Variants in CABCOCO1 observed in about 807,000 individuals in gnomAD.
CABCOCO1 encodes ciliary associated calcium binding coiled-coil 1, also known as ciliary-associated calcium-binding coiled-coil protein 1.
A neutral mutation model predicts 35.7 loss-of-function variants in CABCOCO1; 28 were observed. The ratio of observed to expected loss-of-function variants is 0.78; its 90% confidence interval spans 0.58 to 1.07. The LOEUF (loss-of-function observed/expected upper bound fraction) is 1.07. Among genes scored for constraint, CABCOCO1 ranks in the 50% least tolerant of loss-of-function variants. CABCOCO1 has a pLI of 0.00. For synonymous variants in CABCOCO1, 95 were observed against 100.1 expected (o/e 0.95, Z 0.30); for missense variants, 326 against 309.2 (o/e 1.05, Z -0.41).
At chr10:61,694,986 A>G (rs1354594285) in intron 5 of CABCOCO1, among the ~76,000 whole-genome samples, 3 of 152,124 alleles carry the variant, frequency 2.0e-5, no homozygotes, top group Non-Finnish European at 4.4e-5. Context: ...AAATAAAATC[A>G]TGTTACACTC....
chr10:61,701,695 C>T, intron 5 of CABCOCO1: 1 of 984,816 alleles, frequency 1.0e-6, no homozygotes, highest in Non-Finnish European at 1.2e-6. Flanking sequence ...TCTAGGGTGT[C>T]CAGATATGCA....
chr10:61,672,454 C>T (rs1839389694), intron 1 of CABCOCO1, among the ~76,000 whole-genome samples, 178 bp from the exon 2 acceptor site: 1 of 152,180 alleles, frequency 6.6e-6, no homozygotes, highest in Admixed American at 6.5e-5. Flanking sequence ...TTTGACTTTT[C>T]AGGTGAAAGG....
At chr10:61,701,742 A>G in intron 5 of CABCOCO1, 1 of 985,214 alleles carries the variant, frequency 1.0e-6, no homozygotes, top group Non-Finnish European at 1.2e-6. Flanking sequence ...AGCAACCCAC[A>G]TTTGAAAGTG....
chr10:61,672,617 A>G lies in CABCOCO1; in HGVS notation c.61-15A>G, dbSNP rs1023473643. The G allele has an allele frequency of 1.9e-5, 14 of 721,746 alleles. No individual in the cohort carries two copies. In the Admixed American group the frequency reaches 8.2e-4, roughly 42 times the overall value. 44.7% of individuals were successfully genotyped at this position (721,746 alleles called of 1,614,324 possible). A position where few individuals can be genotyped will look rare whatever the true frequency, so the allele number is the denominator to read the frequency against. ...GTACAATTAAAGTAACTCACTCCACATTGTGTTTTGGTAGAGAGACACTGA... is the reference window on the plus strand; with the variant it reads ...GTACAATTAAAGTAACTCACTCCACGTTGTGTTTTGGTAGAGAGACACTGA... On this transcript the variant is annotated splice_polypyrimidine_tract_variant and intron_variant, in intron 1 of 7. Transcript: ENST00000648843.
chr10:61,664,935 C>T (rs180816455), intron 1 of CABCOCO1, among the ~76,000 whole-genome samples: 1 of 152,262 alleles, frequency 6.6e-6, no homozygotes, highest in Non-Finnish European at 1.5e-5. Context: ...AAATTCTTTA[C>T]AATGTTGATC....
intron 5 of CABCOCO1, among the ~76,000 whole-genome samples, chr10:61,744,905 G>A (rs552114204): frequency 1.4e-4 from 21 of 152,240 alleles, no homozygotes; most frequent in African/African-American, 2.9e-4. Flanking sequence ...GTATGAGTTC[G>A]TTTCCAAATG....
At chr10:61,721,177 G>A (rs984277768) in intron 5 of CABCOCO1, among the ~76,000 whole-genome samples, 1 of 151,700 alleles carries the variant, frequency 6.6e-6, no homozygotes, top group African/African-American at 2.4e-5. Flanking sequence ...ACCCGTCTCA[G>A]CCTCCCAAAG....
intron 2 of CABCOCO1, among the ~76,000 whole-genome samples, chr10:61,680,371 TAC>T (rs1564532129): frequency 7.4e-6 from 1 of 135,038 alleles, no homozygotes; most frequent in Non-Finnish European, 1.5e-5. Flanking sequence ...TATATTTATA[TAC>T]ATATAACATA....
intron 5 of CABCOCO1, among the ~76,000 whole-genome samples, chr10:61,711,692 C>A (rs1164403035): frequency 1.3e-5 from 2 of 151,828 alleles, no homozygotes; most frequent in African/African-American, 4.8e-5. Flanking sequence ...AAAATATTTA[C>A]AAGTTAGTTC....
At chr10:61,696,950 A>G (rs2132006866) in intron 5 of CABCOCO1, among the ~76,000 whole-genome samples, 1 of 152,280 alleles carries the variant, frequency 6.6e-6, no homozygotes, top group East Asian at 1.9e-4. Flanking sequence ...ATAGTTATCA[A>G]GGACCTGCAA....
At chr10:61,723,571 G>A (rs889388853) in intron 5 of CABCOCO1, among the ~76,000 whole-genome samples, 2 of 152,150 alleles carry the variant, frequency 1.3e-5, no homozygotes, top group Non-Finnish European at 2.9e-5. Flanking sequence ...TTTCCTCACA[G>A]TTCTGGAGTC....
Position 61,760,080 on chromosome 10 carries a change from T to A in CABCOCO1, c.574T>A (p.Ser192Thr). Residue 192 changes from serine (S) to threonine (T), a missense_variant, in exon 6 of 8, where the codon TCT (serine) becomes ACT (threonine). Coordinates refer to ENST00000648843, the MANE Select transcript of CABCOCO1 (RefSeq NM_001366906.2). ...TCAGCAAGTGATAGAGGTTGTCAAG[T>A]CTGCATGTGGCCCTTTCCCAAATCC... ...GTEQVIEVVK[S>T]ACGPFPNPLE... The A allele has an allele frequency of 6.2e-7, 1 of 1,612,894 alleles. No homozygotes were observed. The highest frequency in any genetic ancestry group is 8.5e-7 in the Non-Finnish European group (1 of 1,179,258).
intron 5 of CABCOCO1, among the ~76,000 whole-genome samples, chr10:61,718,662 G>T (rs35024636): frequency 0.12 from 18,209 of 152,082 alleles, 1,439 homozygotes; most frequent in African/African-American, 0.19. Context: ...TTTGGTCTTT[G>T]TCCTTGTCTA....
intron 5 of CABCOCO1, among the ~76,000 whole-genome samples, chr10:61,738,834 A>G (rs1180414841): frequency 6.6e-6 from 1 of 152,242 alleles, no homozygotes; most frequent in Non-Finnish European, 1.5e-5. Flanking sequence ...ATTTTGGTCT[A>G]TAAAAAAACA....
intron 1 of CABCOCO1, among the ~76,000 whole-genome samples, chr10:61,665,483 A>T (rs1201987088): frequency 6.6e-6 from 1 of 152,222 alleles, no homozygotes; most frequent in East Asian, 1.9e-4. Flanking sequence ...AATATTTGTT[A>T]CGCATAGACC....
chr10:61,747,728 G>A (rs1352318190), intron 5 of CABCOCO1, among the ~76,000 whole-genome samples: 1 of 151,306 alleles, frequency 6.6e-6, no homozygotes, highest in Non-Finnish European at 1.5e-5. Flanking sequence ...GAAGTGATAT[G>A]TTGCAGAATG....
chr10:61,683,422 A>G (rs116853268), intron 3 of CABCOCO1, among the ~76,000 whole-genome samples: 3,527 of 152,094 alleles, frequency 0.023, 72 homozygotes, highest in Non-Finnish European at 0.037. Flanking sequence ...TTAACTGGGT[A>G]TGGTGGCCCA....
chr10:61,709,835 C>G (rs1267978609), intron 5 of CABCOCO1, among the ~76,000 whole-genome samples: 3 of 151,880 alleles, frequency 2.0e-5, no homozygotes, highest in Non-Finnish European at 4.4e-5. Context: ...TTATTTATAG[C>G]CTTATTTGTG....
chr10:61,664,504 A>G (rs1173810277), intron 1 of CABCOCO1, among the ~76,000 whole-genome samples: 2 of 152,172 alleles, frequency 1.3e-5, no homozygotes, highest in South Asian at 2.1e-4. Context: ...CTAGTTATAG[A>G]TCTTAGATTA....
Sources: gnomAD v4.1 joint callset for allele counts (sites outside exome capture counted in the v4.1 genomes callset) on GRCh38, gnomAD v4.1.1 for gene constraint, MANE v1.5 for transcripts, NCBI Gene and HGNC (gene_info 2026-07-23, HGNC 2026-07-21) for gene names.